Variants in P2RX6 observed in about 807,000 individuals in gnomAD.
The protein encoded by P2RX6 is P2X purinoceptor 6.
Under a neutral mutation model 54.2 loss-of-function variants are expected in P2RX6, and 62 were observed. That is an observed-to-expected ratio of 1.14 (90% confidence interval 0.93 to 1.41). The LOEUF (loss-of-function observed/expected upper bound fraction) is 1.41. Among genes scored for constraint, P2RX6 ranks in the 40% most tolerant of loss-of-function variants. The probability of loss-of-function intolerance (pLI) is 0.00; values close to 1 mark genes in which losing one functional copy is unlikely to be tolerated. For missense variants in P2RX6, 541 were observed against 566.3 expected (o/e 0.96, Z 0.45); for synonymous variants, 211 against 231.9 (o/e 0.91, Z 0.82).
chr22:21,017,403 CCA>C (rs1926578698), intron 2 of P2RX6, among the ~76,000 whole-genome samples: 1 of 152,232 alleles, frequency 6.6e-6, no homozygotes, highest in Non-Finnish European at 1.5e-5. Context: ...CACCCGTTGA[CCA>C]CAGACACAGC....
At chr22:21,025,101 G>T (rs918773591) in intron 8 of P2RX6, among the ~76,000 whole-genome samples, 1 of 150,880 alleles carries the variant, frequency 6.6e-6, no homozygotes, top group African/African-American at 2.4e-5. Context: ...GGCTGGTCTC[G>T]AACTCCTGAC....
Position 21,026,739 on chromosome 22 carries a change from A to C in P2RX6, c.*122A>C, listed in dbSNP as rs1216671746. The C allele has an allele frequency of 1.4e-6, 2 of 1,459,554 alleles. No individual in the cohort carries two copies. The highest frequency in any genetic ancestry group is 1.4e-5 in the African/African-American group (1 of 70,666). The allele number at this position is 1,459,554 out of a possible 1,614,324, so 90.4% of individuals were successfully genotyped here. A position where few individuals can be genotyped will look rare whatever the true frequency, so the allele number is the denominator to read the frequency against. Reference sequence around the variant, plus strand: ...ATTCCACCCTTGAACCCCAGCAGACAGTCCCTCCCCTGACTCCCACCTTGG... The same window carrying C: ...ATTCCACCCTTGAACCCCAGCAGACCGTCCCTCCCCTGACTCCCACCTTGG... On this transcript the variant is annotated 3_prime_UTR_variant, in exon 12 of 12. Coordinates refer to ENST00000413302, the MANE Select transcript of P2RX6 (RefSeq NM_005446.5). The surrounding 1 kb of genome is among the most constrained non-coding windows in gnomAD (Gnocchi z 4.0).
At chr22:21,016,513 C>T (rs531457647) in intron 2 of P2RX6, among the ~76,000 whole-genome samples, 2 of 149,074 alleles carry the variant, frequency 1.3e-5, no homozygotes, top group Non-Finnish European at 3.0e-5. Context: ...GGCATGAACC[C>T]GGGAGGTGGA....
At position 21,023,276 on chromosome 22, in the gene P2RX6, T is replaced by C; in HGVS notation, c.640T>C (p.Ser214Pro). The part of the protein sequence containing the change: ...VTFSKFNFSK[S>P]NALETWDPTY... ...TCTGACCTTTCCCACTCCTCCCAGG[T>C]CCAATGCCTTGGAGACCTGGGACCC... is the stretch of plus-strand genomic sequence containing the variant. Residue 214 changes from serine to proline, a missense_variant and splice_region_variant, in exon 7 of 12, where the codon TCC (serine) becomes CCC (proline). Transcript: ENST00000413302. 2 of 1,613,924 alleles carry C rather than the reference T, an allele frequency of 1.2e-6. No individual in the cohort carries two copies. The highest frequency in any genetic ancestry group is 1.7e-6 in the Non-Finnish European group (2 of 1,179,866).
intron 3 of P2RX6, 186 bp downstream of exon 3, chr22:21,018,246 A>G: frequency 1.7e-6 from 1 of 596,612 alleles, no homozygotes; most frequent in Non-Finnish European, 3.0e-6. Context: ...CCTGCCTGGT[A>G]GGAAGTCCTG....
chr22:21,023,434 G>A lies in P2RX6; in HGVS notation c.780+18G>A. The A allele has an allele frequency of 6.2e-7, 1 of 1,613,930 alleles. No homozygotes were observed. Among genetic ancestry groups the A allele is most frequent in the Non-Finnish European group, 8.5e-7 (1 of 1,179,862 alleles). ...CGTTGCTGGTGGGTCCCAAGTTGGG[G>A]GCAGGGTTCCTAGAGGGCTCTGGGA... On this transcript the variant is annotated intron_variant, in intron 7 of 11. Coordinates refer to ENST00000413302, the MANE Select transcript of P2RX6 (RefSeq NM_005446.5).
At chr22:21,020,288 A>T (rs970496183) in intron 3 of P2RX6, among the ~76,000 whole-genome samples, 5 of 152,176 alleles carry the variant, frequency 3.3e-5, no homozygotes, top group African/African-American at 1.2e-4. Flanking sequence ...GGTCGTAATT[A>T]TCAGATCTGA....
Position 21,022,987 on chromosome 22 carries a change from C to T in P2RX6, c.509C>T (p.Thr170Ile), listed in dbSNP as rs1335414892. The T allele has an allele frequency of 2.5e-6, 4 of 1,613,630 alleles. No individual in the cohort carries two copies. In the East Asian group the frequency reaches 8.9e-5, roughly 36 times the overall value. The part of the protein sequence containing the change: ...QCVVFNGTHR[T>I]CEIWSWCPVE... ...GTGGTGTTCAATGGGACCCACAGGACCTGTGAGATCTGGAGTTGGTGCCCC... is the reference window on the plus strand; with the variant it reads ...GTGGTGTTCAATGGGACCCACAGGATCTGTGAGATCTGGAGTTGGTGCCCC... Residue 170 changes from threonine to isoleucine, a missense_variant, in exon 5 of 12, where the codon ACC becomes ATC. Coordinates refer to ENST00000413302, the MANE Select transcript of P2RX6 (RefSeq NM_005446.5).
chr22:21,023,132 C>T lies in P2RX6; in HGVS notation c.572C>T (p.Ala191Val). 3 of 1,613,868 alleles carry T rather than the reference C, an allele frequency of 1.9e-6. No individual in the cohort carries two copies. Among genetic ancestry groups the T allele is most frequent in the Non-Finnish European group, 2.5e-6 (3 of 1,179,800 alleles). The change falls in exon 6 of 12, where the codon GCC (alanine) becomes GTC (valine). Residue 191 changes from alanine to valine, a missense_variant. Ala to Val is a moderately conservative substitution (Grantham distance 64, BLOSUM62 0). Transcript: ENST00000413302. ...TCCACCTGCAGGAGGCCCCTGCTGG[C>T]CCAGGCCCAGAACTTCACACTGTTC... ...SGVVPSRPLLAQAQNFTLFIK... is the reference protein window; with the variant it reads ...SGVVPSRPLLVQAQNFTLFIK...
intron 8 of P2RX6, among the ~76,000 whole-genome samples, chr22:21,023,978 C>T (rs1291937931): frequency 8.1e-5 from 12 of 148,428 alleles, no homozygotes; most frequent in African/African-American, 2.5e-4. Context: ...TTTTTTAAGA[C>T]AGAATCTCAT....
chr22:21,018,174 G>A (rs1926761931), intron 3 of P2RX6, 114 bp downstream of exon 3: 2 of 732,170 alleles, frequency 2.7e-6, no homozygotes, highest in Admixed American at 2.0e-5. Flanking sequence ...CCTGTGCTCG[G>A]TGTCCCCCAG....
rs1255539114 is a variant in P2RX6 at position 21,027,740 on chromosome 22, G to T, written c.*1123G>T. On this transcript the variant is annotated 3_prime_UTR_variant, in exon 12 of 12. Coordinates refer to ENST00000413302, the MANE Select transcript of P2RX6 (RefSeq NM_005446.5). The stretch of plus-strand genomic sequence containing the variant: ...GGGTACCTGGTGATCAGGGCAAGCT[G>T]TGGAGGGCCAGGGGTGGGGCTGAGA... 6.6e-6 allele frequency: 1 copy of T among 152,374 alleles called. No homozygotes were observed. The highest frequency in any genetic ancestry group is 1.5e-5 in the Non-Finnish European group (1 of 68,186). The allele number at this position is 152,374 out of a possible 1,614,324, so 9.4% of individuals were successfully genotyped here.
At position 21,020,355 on chromosome 22, in the gene P2RX6, C is replaced by G. The variant is rs150283989; in HGVS notation, c.387+2295C>G. Among the ~76,000 whole-genome samples the G allele has an allele frequency of 3.4e-3, 516 of 152,250 alleles. 4 individuals are homozygous for G. Among genetic ancestry groups the G allele is most frequent in the African/African-American group, 0.011 (469 of 41,536 alleles). The stretch of plus-strand genomic sequence containing the variant: ...GCCAGCTCCTCTAGGGATCCTGGTG[C>G]CTGATCCCTCCCTTACATGCACCAT... On this transcript the variant is annotated intron_variant, in intron 3 of 11. Coordinates refer to ENST00000413302, the MANE Select transcript of P2RX6 (RefSeq NM_005446.5).
chr22:21,022,854 T>C (rs1341814055), intron 4 of P2RX6, 88 bp from the exon 5 acceptor site: 11 of 1,484,924 alleles, frequency 7.4e-6, no homozygotes, highest in African/African-American at 1.4e-5. Flanking sequence ...TGTCCCTGCA[T>C]CTCTCTTTCT....
chr22:21,018,297 T>A (rs1291074639), intron 3 of P2RX6: 19 of 508,060 alleles, frequency 3.7e-5, no homozygotes, highest in Non-Finnish European at 1.8e-5. Flanking sequence ...CTCAGTGAGG[T>A]TGAGTCACTT....
chr22:21,018,494 C>G (rs1601754137), intron 3 of P2RX6: 1 of 248,808 alleles, frequency 4.0e-6, no homozygotes, highest in East Asian at 9.5e-5. Context: ...GGAATATCAC[C>G]TCCCCTTGTC....
rs376918083 is a variant in P2RX6 at position 21,026,041 on chromosome 22, G to A, written c.1015G>A (p.Val339Ile). The A allele has an allele frequency of 1.1e-5, 17 of 1,611,778 alleles. No homozygotes were observed. Among genetic ancestry groups the A allele is most frequent in the South Asian group, 3.3e-5 (3 of 90,574 alleles). The stretch of plus-strand genomic sequence containing the variant: ...GAAGTTCGGGCTCATCCCCACGGCC[G>A]TCACACTGGGCACCGGGGCAGCTTG... ...AGKFGLIPTA[V>I]TLGTGAAWLG... is the part of the protein sequence containing the mutation. Residue 339 changes from valine to isoleucine, a missense_variant, in exon 10 of 12, where the codon GTC becomes ATC. Transcript: ENST00000413302. The surrounding 1 kb of genome is among the most constrained non-coding windows in gnomAD (Gnocchi z 4.0).
chr22:21,026,050 G>A lies in P2RX6; in HGVS notation c.1024G>A (p.Gly342Ser), dbSNP rs767221400. ...GCTCATCCCCACGGCCGTCACACTG[G>A]GCACCGGGGCAGCTTGGCTGGGCGT... ...FGLIPTAVTL[G>S]TGAAWLGVVT... The change falls in exon 10 of 12, where the codon GGC (glycine) becomes AGC (serine). Residue 342 changes from glycine to serine, a missense_variant. Coordinates refer to ENST00000413302, the MANE Select transcript of P2RX6 (RefSeq NM_005446.5). The surrounding 1 kb of genome is among the most constrained non-coding windows in gnomAD (Gnocchi z 4.0). 1.2e-6 allele frequency: 2 copies of A among 1,611,708 alleles called. No homozygotes were observed. Among genetic ancestry groups the A allele is most frequent in the Admixed American group, 3.3e-5 (2 of 59,726 alleles).
chr22:21,024,878 G>GTT (rs562371289), intron 8 of P2RX6, among the ~76,000 whole-genome samples: 4,660 of 110,734 alleles, frequency 0.042, 248 homozygotes, highest in East Asian at 0.25. Context: ...TTTTTTTTGT[G>GTT]TTTTTTTTTT....
Sources: gnomAD v4.1 joint callset for allele counts (sites outside exome capture counted in the v4.1 genomes callset) on GRCh38, gnomAD v4.1.1 for gene constraint, Gnocchi (gnomAD v3.1) non-coding constraint, MANE v1.5 for transcripts, NCBI Gene and HGNC (gene_info 2026-07-23, HGNC 2026-07-21) for gene names.